PLCG2: variants seen among roughly 807,000 people sequenced by gnomAD.
PLCG2 encodes phospholipase C gamma 2, also known as 1-phosphatidylinositol 4,5-bisphosphate phosphodiesterase gamma-2.
A neutral mutation model predicts 175.6 loss-of-function variants in PLCG2; 69 were observed. That is an observed-to-expected ratio of 0.39 (90% CI 0.32 to 0.48). PLCG2 has a LOEUF of 0.48. Ranked by LOEUF, PLCG2 falls within the 20% of genes least tolerant of loss-of-function variation. PLCG2 has a pLI of 0.91. For missense variants in PLCG2, 1,798 were observed against 1,650.9 expected (o/e 1.09, Z -1.54); for synonymous variants, 827 against 624.0 (o/e 1.33, Z -4.85).
intron 1 of PLCG2, among the ~76,000 whole-genome samples, chr16:81,749,157 C>G (rs990548787): frequency 6.6e-6 from 1 of 152,068 alleles, no homozygotes; most frequent in African/African-American, 2.4e-5. Flanking sequence ...TGTTCTCACA[C>G]TACTGGTTGG....
chr16:81,856,661 A>G (rs1005186560), intron 3 of PLCG2, among the ~76,000 whole-genome samples: 1 of 152,228 alleles, frequency 6.6e-6, no homozygotes, highest in Non-Finnish European at 1.5e-5. Flanking sequence ...ACAAAAAGCT[A>G]AATCCCTAAG....
chr16:81,796,709 G>T (rs1217355390), intron 2 of PLCG2, among the ~76,000 whole-genome samples: 1 of 152,184 alleles, frequency 6.6e-6, no homozygotes, highest in African/African-American at 2.4e-5. Flanking sequence ...GAGACACAGG[G>T]AGAGAAGGCC....
chr16:81,873,061 A>T (rs564176732), intron 7 of PLCG2, among the ~76,000 whole-genome samples: 1 of 152,260 alleles, frequency 6.6e-6, no homozygotes, highest in South Asian at 2.1e-4. Context: ...TTGAATTGCA[A>T]TGTGTTCATT....
chr16:81,824,061 G>T (rs71388375), intron 2 of PLCG2, among the ~76,000 whole-genome samples: 16,098 of 75,962 alleles, frequency 0.21, 1,535 homozygotes, highest in Middle Eastern at 0.27. Flanking sequence ...GTCCTGTCCT[G>T]TCCTGTCCTG....
At position 81,928,569 on chromosome 16, in the gene PLCG2, C is replaced by G. The variant is rs1034549111; in HGVS notation, c.2526C>G (p.Asp842Glu). ...FEELEKQIIE[D>E]NPLGSLCRGI... ...TTGTTTCTTCACAGATTATTGAAGA[C>G]AATCCCTTAGGGTCTCTTTGCAGAG... is the stretch of plus-strand genomic sequence containing the variant. The change falls in exon 24 of 33, where the codon GAC becomes GAG. Residue 842 changes from aspartate to glutamate, a missense_variant. Transcript: ENST00000564138. 9.4e-6 allele frequency: 15 copies of G among 1,602,916 alleles called. No individual in the cohort carries two copies. The highest frequency in any genetic ancestry group is 4.4e-5 in the South Asian group (4 of 90,858).
chr16:81,818,883 A>ATTTTTTTTTTTTTTTTTTT, intron 2 of PLCG2, among the ~76,000 whole-genome samples: 2 of 106,612 alleles, frequency 1.9e-5, no homozygotes, highest in African/African-American at 8.0e-5. Context: ...GGGCTCATGG[A>ATTTTTTTTTTTTTTTTTTT]TTTTTTTTTT....
At chr16:81,784,471 A>G (rs559284768) in intron 1 of PLCG2, among the ~76,000 whole-genome samples, 1 of 152,220 alleles carries the variant, frequency 6.6e-6, no homozygotes, top group Non-Finnish European at 1.5e-5. Context: ...CTGGAAGCAC[A>G]GACAGCCCTG....
At chr16:81,801,201 A>T (rs1241687456) in intron 2 of PLCG2, among the ~76,000 whole-genome samples, 1 of 152,226 alleles carries the variant, frequency 6.6e-6, no homozygotes, top group African/African-American at 2.4e-5. Context: ...CAACCAACTT[A>T]GATGAGTTGT....
intron 2 of PLCG2, among the ~76,000 whole-genome samples, chr16:81,799,582 G>T (rs1448935512): frequency 6.7e-6 from 1 of 149,212 alleles, no homozygotes; most frequent in Non-Finnish European, 1.5e-5. Context: ...AAGCCACTGA[G>T]CCTGGCCTGT....
chr16:81,758,599 A>C (rs1909976591), intron 2 of PLCG2, among the ~76,000 whole-genome samples: 1 of 151,766 alleles, frequency 6.6e-6, no homozygotes, highest in South Asian at 2.1e-4. Flanking sequence ...CAGCTGCAAC[A>C]TTTACTACTC....
At chr16:81,828,307 G>A (rs1284185006) in intron 2 of PLCG2, among the ~76,000 whole-genome samples, 7 of 131,734 alleles carry the variant, frequency 5.3e-5, no homozygotes, top group African/African-American at 1.4e-4. Context: ...ATGCAGTGGT[G>A]TGATCTCGGC....
chr16:81,928,848 C>G, intron 24 of PLCG2: 1 of 478,096 alleles, frequency 2.1e-6, no homozygotes, highest in Non-Finnish European at 3.8e-6. Context: ...AGGTCTCGTA[C>G]ATAAGTGCTA....
chr16:81,826,242 G>T (rs897887411), intron 2 of PLCG2, among the ~76,000 whole-genome samples: 2 of 152,160 alleles, frequency 1.3e-5, no homozygotes, highest in African/African-American at 4.8e-5. Context: ...TGGTTCTTGG[G>T]GTTCATCACT....
At chr16:81,942,878 C>T (rs1911003457) in intron 30 of PLCG2, among the ~76,000 whole-genome samples, 1 of 152,134 alleles carries the variant, frequency 6.6e-6, no homozygotes, top group Non-Finnish European at 1.5e-5. Context: ...TTTCCCTTTC[C>T]CCAGTGAAAT....
intron 9 of PLCG2, among the ~76,000 whole-genome samples, chr16:81,888,971 T>A (rs1908503400): frequency 6.6e-6 from 1 of 152,160 alleles, no homozygotes; most frequent in Non-Finnish European, 1.5e-5. Flanking sequence ...TATTTACCTC[T>A]GGCTCTCTGC....
intron 2 of PLCG2, among the ~76,000 whole-genome samples, chr16:81,812,043 CTTTTTTT>C (rs539108021): frequency 5.5e-5 from 5 of 90,332 alleles, no homozygotes; most frequent in Admixed American, 2.6e-4. Context: ...TGTTTCCTGA[CTTTTTTT>C]TTTTTTTTTT....
intron 2 of PLCG2, among the ~76,000 whole-genome samples, chr16:81,791,258 G>A (rs185220910): frequency 2.0e-5 from 3 of 152,134 alleles, no homozygotes; most frequent in Non-Finnish European, 4.4e-5. Context: ...ATTTGGATGT[G>A]GGGGAGGTGG....
rs1333816441 is a variant in PLCG2 at position 81,854,514 on chromosome 16, T to A, written c.264T>A (p.Val88=). 2 of 1,613,894 alleles carry A rather than the reference T, an allele frequency of 1.2e-6. No homozygotes were observed. Among genetic ancestry groups the A allele is most frequent in the Non-Finnish European group, 1.7e-6 (2 of 1,179,724 alleles). ...AAGATTTCGAGCGAGCAAAAGCAGT[T>A]CGCCAGAAAGAAGACTGCTGCTTCA... ...NSKDFERAKA[V]RQKEDCCFTI... The change falls in exon 3 of 33, where the codon GTT becomes GTA. Residue 88 remains valine, a synonymous_variant. Coordinates refer to ENST00000564138, the MANE Select transcript of PLCG2 (RefSeq NM_002661.5).
intron 31 of PLCG2, among the ~76,000 whole-genome samples, chr16:81,953,904 C>T (rs558069266): frequency 1.1e-3 from 171 of 152,204 alleles, no homozygotes; most frequent in Non-Finnish European, 1.7e-3. Flanking sequence ...TTTGAACTTG[C>T]GCCCGAATAA....
Sources: allele counts gnomAD v4.1 joint callset (sites outside exome capture counted in the v4.1 genomes callset), GRCh38; gene constraint gnomAD v4.1.1; transcripts MANE v1.5; gene names NCBI Gene and HGNC (gene_info 2026-07-23, HGNC 2026-07-21).